The following SUMF1 variants were observed in gnomAD, a reference collection of about 807,000 sequenced individuals.
SUMF1 encodes sulfatase modifying factor 1.
Under a neutral mutation model 47.6 loss-of-function variants are expected in SUMF1, and 48 were observed. The ratio of observed to expected loss-of-function variants is 1.01; its 90% CI spans 0.80 to 1.28. SUMF1 has a LOEUF of 1.28. Among genes scored for constraint, SUMF1 ranks in the 50% most tolerant of loss-of-function variants. SUMF1 has a pLI of 0.00. For synonymous variants in SUMF1, 230 were observed against 192.1 expected, an observed-to-expected ratio of 1.20 and a Z score of -1.63; for missense variants, 571 against 485.4, an observed-to-expected ratio of 1.18 and a Z score of -1.66.
chr3:4,085,450 G>A (rs1254610096), intron 8 of SUMF1, among the ~76,000 whole-genome samples: 1 of 151,996 alleles, frequency 6.6e-6, no homozygotes, highest in Non-Finnish European at 1.5e-5. Context: ...ACCCCATAGA[G>A]TGCTCAAATT....
chr3:4,106,907 A>C (rs1354761287), intron 8 of SUMF1, among the ~76,000 whole-genome samples: 1 of 152,140 alleles, frequency 6.6e-6, no homozygotes, highest in Non-Finnish European at 1.5e-5. Flanking sequence ...GGTAAAATAA[A>C]CTATATTTTT....
intron 8 of SUMF1, among the ~76,000 whole-genome samples, chr3:4,235,357 A>G (rs1022598753): frequency 3.9e-5 from 6 of 152,070 alleles, no homozygotes; most frequent in Admixed American, 1.3e-4. Flanking sequence ...TTTGAATTTC[A>G]TAAATTTGAG....
At chr3:4,295,693 C>T (rs1344798587) in intron 8 of SUMF1, among the ~76,000 whole-genome samples, 1 of 152,068 alleles carries the variant, frequency 6.6e-6, no homozygotes, top group East Asian at 1.9e-4. Context: ...GGTGATATTG[C>T]AGGTTATATA....
intron 8 of SUMF1, among the ~76,000 whole-genome samples, chr3:4,214,972 A>C (rs547610631): frequency 6.6e-6 from 1 of 152,276 alleles, no homozygotes; most frequent in East Asian, 1.9e-4. Flanking sequence ...AGAGGTACAA[A>C]GAGGAGCTGG....
intron 8 of SUMF1, among the ~76,000 whole-genome samples, chr3:4,211,121 T>TATATATATATATATATAC (rs150373609): frequency 2.6e-4 from 33 of 128,314 alleles, no homozygotes; most frequent in African/African-American, 6.3e-4. Context: ...TATATATATA[T>TATATATATATATATATAC]ACACACACAC....
chr3:4,232,492 C>G (rs1696322423), intron 8 of SUMF1, among the ~76,000 whole-genome samples: 1 of 151,920 alleles, frequency 6.6e-6, no homozygotes, highest in South Asian at 2.1e-4. Flanking sequence ...GAGACAAGCA[C>G]CTGAAAATTT....
chr3:4,300,761 C>T (rs992968111), intron 8 of SUMF1, among the ~76,000 whole-genome samples: 4 of 152,108 alleles, frequency 2.6e-5, no homozygotes, highest in African/African-American at 9.7e-5. Flanking sequence ...GAAAACAGAT[C>T]ATGATATCCC....
intron 7 of SUMF1, among the ~76,000 whole-genome samples, chr3:4,390,693 C>T (rs1700832744): frequency 6.6e-6 from 1 of 152,154 alleles, no homozygotes; most frequent in African/African-American, 2.4e-5. Context: ...GGGGATCTTT[C>T]CACCTAAGCC....
intron 8 of SUMF1, among the ~76,000 whole-genome samples, chr3:4,072,956 CA>C (rs1212552212): frequency 6.6e-6 from 1 of 152,048 alleles, no homozygotes; most frequent in African/African-American, 2.4e-5. Flanking sequence ...CAAGGGAGGC[CA>C]ACATTCAAAT....
At chr3:4,438,433 T>C (rs1292938088) in intron 3 of SUMF1, among the ~76,000 whole-genome samples, 2 of 152,128 alleles carry the variant, frequency 1.3e-5, no homozygotes, top group Middle Eastern at 3.2e-3. Context: ...TTGCCTACCC[T>C]CAAATGTGTG....
At chr3:4,063,260 A>G (rs1695303169) in intron 9 of SUMF1, among the ~76,000 whole-genome samples, 1 of 152,178 alleles carries the variant, frequency 6.6e-6, no homozygotes, top group Non-Finnish European at 1.5e-5. Flanking sequence ...CAGATTTACA[A>G]CCCAGACCAC....
At chr3:4,265,017 C>T (rs1258648334) in intron 8 of SUMF1, among the ~76,000 whole-genome samples, 1 of 151,844 alleles carries the variant, frequency 6.6e-6, no homozygotes, top group Non-Finnish European at 1.5e-5. Context: ...CCTGTAATCC[C>T]AGCTGCTCAG....
chr3:4,094,409 C>A (rs925459094), intron 8 of SUMF1, among the ~76,000 whole-genome samples: 1 of 151,892 alleles, frequency 6.6e-6, no homozygotes, highest in East Asian at 1.9e-4. Context: ...ACTATTAAGA[C>A]AAGGTAGTAA....
At chr3:4,351,986 G>C (rs1304148784) in intron 8 of SUMF1, among the ~76,000 whole-genome samples, 1 of 152,156 alleles carries the variant, frequency 6.6e-6, no homozygotes, top group Non-Finnish European at 1.5e-5. Flanking sequence ...GTAAGTGGTA[G>C]GAGAAGAATT....
Position 4,437,181 on chromosome 3 carries a change from T to C in SUMF1, c.519+12085A>G, listed in dbSNP as rs375385669. On this transcript the variant is annotated intron_variant, in intron 3 of 8. Coordinates refer to ENST00000272902, the MANE Select transcript of SUMF1 (RefSeq NM_182760.4). ...TAGGAGTAAAGAAATACTGACTACA[T>C]AAAAAAGTATTAACCATGTCTAATT... is the stretch of plus-strand genomic sequence containing the variant. Among the ~76,000 whole-genome samples the C allele has an allele frequency of 3.4e-4, 51 of 152,160 alleles. No individual in the cohort carries two copies. The East Asian group carries it at 6.2e-3, about 18-fold the overall frequency.
intron 8 of SUMF1, among the ~76,000 whole-genome samples, chr3:4,176,295 C>G (rs1399891358): frequency 1.3e-5 from 2 of 152,198 alleles, no homozygotes; most frequent in Non-Finnish European, 1.5e-5. Context: ...AGAGAAAGGT[C>G]GAGTTACTCA....
At chr3:4,213,512 C>G (rs1199273527) in intron 8 of SUMF1, among the ~76,000 whole-genome samples, 1 of 152,096 alleles carries the variant, frequency 6.6e-6, no homozygotes, top group Admixed American at 6.5e-5. Context: ...AACTAACAGG[C>G]AAAACAACCA....
rs80188079 is a variant in SUMF1 at position 4,281,419 on chromosome 3, C to G, written c.1014+94911G>C. ...ATTGATCATCCACATTGGCTACTAG[C>G]TGTAAGTTACCTCATTTAGTCCTCA... On this transcript the variant is annotated intron_variant and NMD_transcript_variant, in intron 8 of 12. Coordinates refer to the SUMF1 transcript ENST00000448413. 1.4e-4 allele frequency among the ~76,000 whole-genome samples: 22 copies of G among 152,278 alleles called. No homozygotes were observed. The East Asian group carries it at 4.1e-3, about 28-fold the overall frequency.
chr3:4,278,964 T>C (rs1697474498), intron 8 of SUMF1, among the ~76,000 whole-genome samples: 1 of 152,186 alleles, frequency 6.6e-6, no homozygotes, highest in South Asian at 2.1e-4. Context: ...GTGTTTATCA[T>C]CTAGGCTTTG....
Sources: allele counts gnomAD v4.1 joint callset (sites outside exome capture counted in the v4.1 genomes callset), GRCh38; gene constraint gnomAD v4.1.1; transcripts MANE v1.5; gene names NCBI Gene and HGNC (gene_info 2026-07-23, HGNC 2026-07-21).